Variants in RNLS observed in about 807,000 individuals in gnomAD.
The protein encoded by RNLS is renalase, FAD dependent amine oxidase, also known as renalase.
A neutral mutation model predicts 39.8 loss-of-function variants in RNLS; 39 were observed. The observed-to-expected ratio is 0.98, with a 90% confidence interval of 0.76 to 1.28. The LOEUF is 1.28. Ranked by LOEUF, RNLS falls within the 50% of genes most tolerant of loss-of-function variation. RNLS has a pLI of 0.00. For missense variants in RNLS, 410 were observed against 413.3 expected (o/e 0.99, Z 0.07); for synonymous variants, 147 against 150.7 (o/e 0.98, Z 0.18).
intron 1 of RNLS, 44 bp downstream of exon 1, chr10:88,583,029 C>T: frequency 1.9e-6 from 3 of 1,594,542 alleles, no homozygotes; most frequent in Non-Finnish European, 2.6e-6. Context: ...AGCAGCCTGC[C>T]CGGCAGTCCT....
intron 4 of RNLS, among the ~76,000 whole-genome samples, chr10:88,371,297 ATG>A (rs1850539361): frequency 6.6e-6 from 1 of 152,158 alleles, no homozygotes; most frequent in Non-Finnish European, 1.5e-5. Context: ...AGGGGTGTCT[ATG>A]TGTATATCAC....
intron 5 of RNLS, among the ~76,000 whole-genome samples, chr10:88,352,749 C>T (rs11524811): frequency 8.3e-4 from 126 of 152,112 alleles, no homozygotes; most frequent in Non-Finnish European, 1.5e-3. Context: ...CTTTTTCTAC[C>T]GATTGGAATA....
At chr10:88,277,162 T>G (rs1019769095) in intron 6 of RNLS, among the ~76,000 whole-genome samples, 1 of 152,194 alleles carries the variant, frequency 6.6e-6, no homozygotes, top group South Asian at 2.1e-4. Flanking sequence ...AAGGGTAAGT[T>G]CATGTCCTTT....
At chr10:88,510,883 GTTC>G (rs1214814553) in intron 4 of RNLS, among the ~76,000 whole-genome samples, 2 of 150,314 alleles carry the variant, frequency 1.3e-5, no homozygotes, top group Non-Finnish European at 3.0e-5. Context: ...AAACCTTTAT[GTTC>G]TTTATTTTAT....
At chr10:88,220,311 G>A in the RNLS span, among the ~76,000 whole-genome samples, 1 of 152,136 alleles carries the variant, frequency 6.6e-6, no homozygotes, top group Admixed American at 6.5e-5. Context: ...AGCATTTTAG[G>A]ATTTTGGGGT....
intron 4 of RNLS, among the ~76,000 whole-genome samples, chr10:88,418,564 G>A (rs1460879951): frequency 6.6e-6 from 1 of 151,360 alleles, no homozygotes; most frequent in Non-Finnish European, 1.5e-5. Flanking sequence ...TTTCATCAAA[G>A]CCTTACAAAA....
chr10:88,287,074 C>T (rs1178761677), intron 6 of RNLS, among the ~76,000 whole-genome samples: 1 of 152,092 alleles, frequency 6.6e-6, no homozygotes, highest in Non-Finnish European at 1.5e-5. Context: ...CAGGCATAAG[C>T]CACCATGCCT....
intron 4 of RNLS, among the ~76,000 whole-genome samples, chr10:88,429,869 T>C (rs1855032856): frequency 6.6e-6 from 1 of 151,896 alleles, no homozygotes; most frequent in Middle Eastern, 3.2e-3. Context: ...AAATGATTTC[T>C]ATTCGGTTCC....
chr10:88,327,014 T>C (rs1011964503), intron 5 of RNLS, among the ~76,000 whole-genome samples: 4 of 152,152 alleles, frequency 2.6e-5, no homozygotes, highest in African/African-American at 9.7e-5. Flanking sequence ...ATTTCTCCCA[T>C]TTGGAATGGG....
At chr10:88,549,959 A>G (rs575505959) in intron 4 of RNLS, among the ~76,000 whole-genome samples, 6 of 152,300 alleles carry the variant, frequency 3.9e-5, no homozygotes, top group African/African-American at 1.4e-4. Flanking sequence ...AGAATGTACA[A>G]ATAACTAAAA....
At chr10:88,381,109 A>ATCTT (rs1347722330) in intron 4 of RNLS, among the ~76,000 whole-genome samples, 1 of 152,222 alleles carries the variant, frequency 6.6e-6, no homozygotes, top group Non-Finnish European at 1.5e-5. Context: ...CCCCAGAAAT[A>ATCTT]TCTTTGCAGA....
At chr10:88,296,397 C>T (rs919415554) in intron 6 of RNLS, among the ~76,000 whole-genome samples, 1 of 152,108 alleles carries the variant, frequency 6.6e-6, no homozygotes, top group Admixed American at 6.6e-5. Context: ...TGCATTTCAT[C>T]TCCCATTCCC....
intron 4 of RNLS, among the ~76,000 whole-genome samples, chr10:88,482,846 C>A (rs1844275827): frequency 6.6e-6 from 1 of 151,970 alleles, no homozygotes; most frequent in Non-Finnish European, 1.5e-5. Flanking sequence ...TAGTAACCTG[C>A]CAGGGCTAAA....
At chr10:88,339,151 C>A (rs1268745211) in intron 5 of RNLS, among the ~76,000 whole-genome samples, 1 of 152,144 alleles carries the variant, frequency 6.6e-6, no homozygotes, top group Non-Finnish European at 1.5e-5. Context: ...GTGGTAGAGA[C>A]ACGGACTGAG....
chr10:88,380,363 CTTTTTTTTTT>C (rs10565402), intron 4 of RNLS, among the ~76,000 whole-genome samples: 4 of 73,106 alleles, frequency 5.5e-5, no homozygotes, highest in Non-Finnish European at 7.8e-5. Context: ...GGTTTTGTAT[CTTTTTTTTTT>C]TTTTTTTTTT....
intron 4 of RNLS, among the ~76,000 whole-genome samples, chr10:88,443,445 C>T (rs559343825): frequency 6.6e-6 from 1 of 152,204 alleles, no homozygotes; most frequent in Non-Finnish European, 1.5e-5. Context: ...GTTCATCTCA[C>T]TGGGCTTGTC....
intron 4 of RNLS, among the ~76,000 whole-genome samples, chr10:88,558,076 C>T (rs1848969986): frequency 6.6e-6 from 1 of 152,168 alleles, no homozygotes; most frequent in African/African-American, 2.4e-5. Context: ...CATCACACAT[C>T]TACTGACAGC....
the RNLS span, among the ~76,000 whole-genome samples, chr10:88,221,186 A>G: frequency 2.6e-5 from 4 of 152,178 alleles, no homozygotes; most frequent in East Asian, 7.7e-4. Flanking sequence ...TCATACTTCA[A>G]GAATGTTTAG....
At chr10:88,317,786 C>T (rs908424996) in intron 5 of RNLS, among the ~76,000 whole-genome samples, 3 of 152,092 alleles carry the variant, frequency 2.0e-5, no homozygotes, top group Non-Finnish European at 4.4e-5. Context: ...AGATCCAGGA[C>T]CTGACAGAGT....
Sources: allele counts gnomAD v4.1 joint callset (sites outside exome capture counted in the v4.1 genomes callset), GRCh38; gene constraint gnomAD v4.1.1; transcripts MANE v1.5; gene names NCBI Gene and HGNC (gene_info 2026-07-23, HGNC 2026-07-21).